Variants in CLSTN2 observed in about 807,000 individuals in gnomAD.
CLSTN2 encodes calsyntenin-2.
Under a neutral mutation model 101.2 loss-of-function variants are expected in CLSTN2, and 48 were observed. That is an observed-to-expected ratio of 0.47 (90% CI 0.38 to 0.60). The LOEUF (loss-of-function observed/expected upper bound fraction) is 0.60, where lower values mean the gene tolerates loss of function less well. Ranked by LOEUF, CLSTN2 falls within the 20% of genes least tolerant of loss-of-function variation. CLSTN2 has a pLI of 0.00. For missense variants in CLSTN2, 1,160 were observed against 1,238.2 expected, an observed-to-expected ratio of 0.94 and a Z score of 0.95; for synonymous variants, 481 against 463.6, an observed-to-expected ratio of 1.04 and a Z score of -0.48.
chr3:140,448,486 G>A (rs1933149241), intron 5 of CLSTN2, 33 bp from the exon 6 acceptor site: 8 of 1,574,124 alleles, frequency 5.1e-6, no homozygotes, highest in Non-Finnish European at 7.0e-6. Context: ...GACTGCACCT[G>A]ATTCACTTTT....
intron 1 of CLSTN2, among the ~76,000 whole-genome samples, chr3:140,128,171 T>A (rs543837085): frequency 6.6e-6 from 1 of 152,250 alleles, no homozygotes; most frequent in Admixed American, 6.5e-5. Context: ...AGAGACCCCA[T>A]GTCCCCAAAA....
At chr3:140,218,904 T>C (rs2086235360) in intron 2 of CLSTN2, among the ~76,000 whole-genome samples, 1 of 152,094 alleles carries the variant, frequency 6.6e-6, no homozygotes, top group African/African-American at 2.4e-5. Flanking sequence ...GATTAAAAAG[T>C]GGTAGACAGA....
At chr3:140,105,947 C>T (rs577884263) in intron 1 of CLSTN2, among the ~76,000 whole-genome samples, 1 of 152,226 alleles carries the variant, frequency 6.6e-6, no homozygotes, top group South Asian at 2.1e-4. Flanking sequence ...TGGAAATCAT[C>T]CCCTATTTAG....
chr3:140,372,295 T>G (rs1187326638), intron 2 of CLSTN2, among the ~76,000 whole-genome samples: 1 of 152,110 alleles, frequency 6.6e-6, no homozygotes, highest in Non-Finnish European at 1.5e-5. Context: ...ACCCTTCTCT[T>G]TAATTGTGCT....
intron 1 of CLSTN2, among the ~76,000 whole-genome samples, chr3:139,949,789 T>A (rs1935264012): frequency 6.6e-6 from 1 of 152,234 alleles, no homozygotes; most frequent in Admixed American, 6.5e-5. Context: ...TGCAGGTGGA[T>A]CTGACACTTT....
At chr3:140,351,786 T>C (rs928424336) in intron 2 of CLSTN2, among the ~76,000 whole-genome samples, 2 of 122,290 alleles carry the variant, frequency 1.6e-5, no homozygotes, top group East Asian at 3.9e-4. Context: ...ATTCAGGTTT[T>C]GTTTTGTTTT....
At chr3:140,135,109 C>CAT (rs2009590820) in intron 1 of CLSTN2, among the ~76,000 whole-genome samples, 1 of 52,508 alleles carries the variant, frequency 1.9e-5, no homozygotes, top group African/African-American at 1.2e-4. Flanking sequence ...CACACACACA[C>CAT]ACACACACAT....
At chr3:140,403,859 C>T in intron 3 of CLSTN2, 35 bp downstream of exon 3, 1 of 1,473,168 alleles carries the variant, frequency 6.8e-7, no homozygotes, top group Non-Finnish European at 9.3e-7. Flanking sequence ...GGACGCCCCT[C>T]CCTCCCGTGC....
At chr3:140,058,012 G>T (rs942123631) in intron 1 of CLSTN2, among the ~76,000 whole-genome samples, 3 of 152,102 alleles carry the variant, frequency 2.0e-5, no homozygotes, top group African/African-American at 7.2e-5. Context: ...CTTATTAGTA[G>T]AACATGGATG....
At chr3:140,305,054 A>ACACACACACACT (rs1491321182) in intron 2 of CLSTN2, among the ~76,000 whole-genome samples, 1 of 118,136 alleles carries the variant, frequency 8.5e-6, no homozygotes, top group African/African-American at 3.2e-5. Flanking sequence ...ACACACACAC[A>ACACACACACACT]CTCTCTCTCT....
intron 2 of CLSTN2, among the ~76,000 whole-genome samples, chr3:140,263,334 T>C (rs1384357897): frequency 6.6e-6 from 1 of 152,084 alleles, no homozygotes; most frequent in Non-Finnish European, 1.5e-5. Context: ...GTGGGACACT[T>C]GGGCTGAAGT....
chr3:139,944,824 G>T (rs1223256950), intron 1 of CLSTN2, among the ~76,000 whole-genome samples: 1 of 152,166 alleles, frequency 6.6e-6, no homozygotes, highest in African/African-American at 2.4e-5. Flanking sequence ...TTAGTTATTT[G>T]ACTATCTGCC....
intron 1 of CLSTN2, among the ~76,000 whole-genome samples, chr3:140,042,756 G>A (rs2007787580): frequency 6.6e-6 from 1 of 152,124 alleles, no homozygotes; most frequent in Non-Finnish European, 1.5e-5. Context: ...TCCCACCTAT[G>A]AGTGAGAACA....
At chr3:140,232,904 G>A (rs1421879214) in intron 2 of CLSTN2, among the ~76,000 whole-genome samples, 17 of 152,038 alleles carry the variant, frequency 1.1e-4, no homozygotes, top group Admixed American at 1.1e-3. Flanking sequence ...TTTCCTGGGT[G>A]ACTGCCAGAG....
chr3:140,473,907 G>A (rs1336482744), intron 8 of CLSTN2, among the ~76,000 whole-genome samples: 6 of 151,970 alleles, frequency 3.9e-5, no homozygotes, highest in Admixed American at 1.3e-4. Flanking sequence ...ACAGGCACCC[G>A]CTACCACGCC....
intron 2 of CLSTN2, among the ~76,000 whole-genome samples, chr3:140,394,180 TCAAAAAAGAAAGTTCTA>T (rs2088153471): frequency 6.6e-6 from 1 of 151,216 alleles, no homozygotes; most frequent in South Asian, 2.1e-4. Flanking sequence ...CTCAGTTTTT[TCAAAAAAGAAAGTTCTA>T]TTCTGATTGT....
chr3:140,112,214 T>C (rs2009167752), intron 1 of CLSTN2, among the ~76,000 whole-genome samples: 1 of 152,192 alleles, frequency 6.6e-6, no homozygotes, highest in African/African-American at 2.4e-5. Flanking sequence ...TGTGAGGGGG[T>C]GGCACTGAAA....
intron 1 of CLSTN2, among the ~76,000 whole-genome samples, chr3:140,150,739 C>CT: frequency 6.6e-6 from 1 of 151,902 alleles, no homozygotes; most frequent in East Asian, 1.9e-4. Flanking sequence ...GCCCTTGCTG[C>CT]TTTTTTTTCT....
At chr3:140,332,886 T>C (rs1411689110) in intron 2 of CLSTN2, among the ~76,000 whole-genome samples, 1 of 152,124 alleles carries the variant, frequency 6.6e-6, no homozygotes, top group Admixed American at 6.5e-5. Context: ...TAAAGAAGGC[T>C]CAGCTGAGCA....
Sources: allele counts gnomAD v4.1 joint callset (sites outside exome capture counted in the v4.1 genomes callset), GRCh38; gene constraint gnomAD v4.1.1; transcripts MANE v1.5; gene names NCBI Gene and HGNC (gene_info 2026-07-23, HGNC 2026-07-21).